The following TULP1 variants were observed in gnomAD, a reference collection of about 807,000 sequenced individuals.
The protein encoded by TULP1 is tubby-related protein 1.
TULP1 carries 50 observed loss-of-function variants against 67.1 expected under a neutral mutation model. That is an observed-to-expected ratio of 0.75 (90% CI 0.59 to 0.94). TULP1 has a LOEUF of 0.94. Ranked by LOEUF, TULP1 falls within the 40% of genes least tolerant of loss-of-function variation. The pLI, the probability that TULP1 is intolerant of heterozygous loss-of-function variation, is 0.00. For synonymous variants in TULP1, 297 were observed against 294.0 expected, an observed-to-expected ratio of 1.01 and a Z score of -0.11; for missense variants, 746 against 734.1, an observed-to-expected ratio of 1.02 and a Z score of -0.19.
At chr6:35,499,941 G>T in intron 14 of TULP1, 40 bp downstream of exon 14, 1 of 1,611,412 alleles carries the variant, frequency 6.2e-7, no homozygotes, top group Non-Finnish European at 8.5e-7. Context: ...CATCCTGGGG[G>T]TGGTGGAGAA....
intron 8 of TULP1, 84 bp from the exon 9 acceptor site, chr6:35,506,363 T>C: frequency 6.5e-7 from 1 of 1,532,692 alleles, no homozygotes; most frequent in Non-Finnish European, 8.8e-7. Context: ...TCATGCTCCC[T>C]GGCAGCCCGG....
At chr6:35,505,511 G>A (rs1426615727) in intron 11 of TULP1, 5 of 1,260,700 alleles carry the variant, frequency 4.0e-6, no homozygotes, top group Admixed American at 2.1e-5. Flanking sequence ...TGTGGGCATC[G>A]CCTGGGTGCT....
intron 8 of TULP1, 53 bp from the exon 9 acceptor site, chr6:35,506,332 A>G (rs1761088097): frequency 6.5e-6 from 10 of 1,548,634 alleles, no homozygotes; most frequent in Non-Finnish European, 8.7e-6. Flanking sequence ...GCATCCCTGG[A>G]GGCGGGGAAG....
chr6:35,498,116 T>C lies in TULP1; in HGVS notation c.*211A>G, dbSNP rs1768740582. 1.3e-6 allele frequency: 1 copy of C among 759,378 alleles called. No homozygotes were observed. The highest frequency in any genetic ancestry group is 2.1e-6 in the Non-Finnish European group (1 of 482,560). 47.0% of individuals were successfully genotyped at this position (759,378 alleles called of 1,614,324 possible). On this transcript the variant is annotated 3_prime_UTR_variant, in exon 15 of 15. Coordinates refer to ENST00000229771, the MANE Select transcript of TULP1 (RefSeq NM_003322.6). The surrounding 1 kb of genome is among the most constrained non-coding windows in gnomAD (Gnocchi z 6.7). ...TGTGCGGCTCCAACTCCAGATGTTC[T>C]TCATCTCCGTCCTACCCGCCGTCCG...
chr6:35,510,853 GC>G lies in TULP1; in HGVS notation c.499+7del. ...CCTGTGAGCTCTCTCAGCACCCTCA[GC>G]ACCCACCCCTTGGGCCCTGGGCCTT... On this transcript the variant is annotated splice_region_variant and intron_variant, in intron 5 of 14. Coordinates refer to ENST00000229771, the MANE Select transcript of TULP1 (RefSeq NM_003322.6). 6.2e-7 allele frequency: 1 copy of G among 1,613,698 alleles called. No individual in the cohort carries two copies. Among genetic ancestry groups the G allele is most frequent in the African/African-American group, 1.3e-5 (1 of 75,050 alleles).
At chr6:35,512,733 C>G in intron 1 of TULP1, 43 bp from the exon 2 acceptor site, 2 of 1,590,996 alleles carry the variant, frequency 1.3e-6, no homozygotes, top group Non-Finnish European at 1.7e-6. Flanking sequence ...TTCCCCTTCC[C>G]TCCCCATCCC....
chr6:35,511,648 C>T lies in TULP1; in HGVS notation c.349G>A (p.Glu117Lys), dbSNP rs527236117. 6.3e-6 allele frequency: 10 copies of T among 1,592,950 alleles called. No homozygotes were observed. In the East Asian group the frequency reaches 1.8e-4, roughly 29 times the overall value. ...CCGCGTCCCTGGGGCCCTCTCTCAC[C>T]GTCCTCCGCGTCTGGGGCACGGGCT... ...LVARAPDAEDEEEEEEEDEED... is the reference protein window; with the variant it reads ...LVARAPDAEDKEEEEEEDEED... Residue 117 changes from glutamate (E) to lysine (K), a missense_variant and splice_region_variant, in exon 4 of 15, where the codon GAG becomes AAG. Glu to Lys is a moderately conservative substitution (Grantham distance 56). Transcript: ENST00000229771.
chr6:35,504,179 C>G (rs192283534), intron 11 of TULP1: 8 of 303,998 alleles, frequency 2.6e-5, no homozygotes, highest in South Asian at 3.3e-5. Flanking sequence ...CTCTGCCCCC[C>G]ACCTGCCAAA....
rs559973202 is a variant in TULP1 at position 35,498,242 on chromosome 6, G to C, written c.*85C>G. Reference sequence around the variant, plus strand: ...GACACAGGAGCAGTTTTCCGCGGGAGCTTTGCTGGAGGGACCCTGCCAGCC... The same window carrying C: ...GACACAGGAGCAGTTTTCCGCGGGACCTTTGCTGGAGGGACCCTGCCAGCC... On this transcript the variant is annotated 3_prime_UTR_variant, in exon 15 of 15. Coordinates refer to ENST00000229771, the MANE Select transcript of TULP1 (RefSeq NM_003322.6). The surrounding 1 kb of genome is among the most constrained non-coding windows in gnomAD (Gnocchi z 6.7). The C allele has an allele frequency of 6.4e-7, 1 of 1,555,486 alleles. No individual in the cohort carries two copies. The highest frequency in any genetic ancestry group is 1.4e-5 in the African/African-American group (1 of 73,784).
At chr6:35,504,819 G>A (rs990162292) in intron 11 of TULP1, among the ~76,000 whole-genome samples, 2 of 151,984 alleles carry the variant, frequency 1.3e-5, no homozygotes, top group Admixed American at 6.5e-5. Context: ...GCCCGCCTCA[G>A]CCTCCCAAAG....
Sources: allele counts gnomAD v4.1 joint callset (sites outside exome capture counted in the v4.1 genomes callset), GRCh38; gene constraint gnomAD v4.1.1; non-coding constraint Gnocchi (gnomAD v3.1); transcripts MANE v1.5; gene names NCBI Gene and HGNC (gene_info 2026-07-23, HGNC 2026-07-21).